The following NOX3 variants were observed in gnomAD, a reference collection of about 807,000 sequenced individuals.
NOX3 encodes the protein NADPH oxidase catalytic subunit-like 3.
NOX3 carries 74 observed loss-of-function variants against 76.7 expected under a neutral mutation model. The ratio of observed to expected loss-of-function variants is 0.96; its 90% CI spans 0.80 to 1.17. NOX3 has a LOEUF of 1.17. Among genes scored for constraint, NOX3 ranks in the 50% most tolerant of loss-of-function variants. The pLI is 0.00. For missense variants in NOX3, 695 were observed against 703.3 expected (o/e 0.99, Z 0.13); for synonymous variants, 263 against 261.1 (o/e 1.01, Z -0.07).
Position 155,436,504 on chromosome 6 carries a change from T to C in NOX3, c.712A>G (p.Asn238Asp). The C allele has an allele frequency of 6.2e-7, 1 of 1,614,170 alleles. No homozygotes were observed. ...TAGCGGTCTCTACAGAAGGTGATGT[T>C]GTGCAGAGAGAGACTGTCTTGGGTT... ...GQTQDSLSLH[N>D]ITFCRDRYAE... is the part of the protein sequence containing the mutation. The change falls in exon 7 of 14, where the codon AAC becomes GAC. Residue 238 changes from asparagine to aspartate, a missense_variant. Asn to Asp is a conservative substitution (Grantham distance 23). Coordinates refer to ENST00000159060, the MANE Select transcript of NOX3 (RefSeq NM_015718.3).
intron 1 of NOX3, 33 bp downstream of exon 1, chr6:155,455,720 T>G (rs6906426): frequency 0.11 from 170,170 of 1,526,430 alleles, 10,392 homozygotes; most frequent in Admixed American, 0.22. Context: ...TCAATCTATA[T>G]ATTTAAAGTT....
At position 155,428,275 on chromosome 6, in the gene NOX3, C is replaced by T. The variant is rs137898133; in HGVS notation, c.1145+519G>A. 1.7e-4 allele frequency among the ~76,000 whole-genome samples: 26 copies of T among 152,280 alleles called. 1 individual carries two copies. In the East Asian group the frequency reaches 4.4e-3, roughly 26 times the overall value. On this transcript the variant is annotated intron_variant, in intron 9 of 13. Coordinates refer to ENST00000159060, the MANE Select transcript of NOX3 (RefSeq NM_015718.3). Reference sequence around the variant, plus strand: ...CCTAACCTCAGTACTTAGGATGTGACCTTATTTAGAAATAGGGTTGCAGAC... The same window carrying T: ...CCTAACCTCAGTACTTAGGATGTGATCTTATTTAGAAATAGGGTTGCAGAC...
chr6:155,449,431 A>G (rs1416414913), intron 4 of NOX3, among the ~76,000 whole-genome samples: 2 of 152,178 alleles, frequency 1.3e-5, no homozygotes, highest in Non-Finnish European at 2.9e-5. Context: ...ATCTGCATTA[A>G]TAAGAACGAA....
chr6:155,438,497 T>A lies in NOX3; in HGVS notation c.668+1459A>T, dbSNP rs1048373981. Reference sequence around the variant, plus strand: ...AGGGGCACTTCTTCCGTGGAGAATGTGTTTCTGTCCACCAGCTGAGGGACC... The same window carrying A: ...AGGGGCACTTCTTCCGTGGAGAATGAGTTTCTGTCCACCAGCTGAGGGACC... On this transcript the variant is annotated intron_variant, in intron 6 of 13. Coordinates refer to ENST00000159060, the MANE Select transcript of NOX3 (RefSeq NM_015718.3). Among the ~76,000 whole-genome samples, 4 of 152,172 alleles carry A rather than the reference T, an allele frequency of 2.6e-5. No individual in the cohort carries two copies. The South Asian group carries it at 6.2e-4, about 24-fold the overall frequency.
intron 12 of NOX3, among the ~76,000 whole-genome samples, chr6:155,406,510 G>A (rs1404671963): frequency 6.6e-6 from 1 of 152,190 alleles, no homozygotes; most frequent in Non-Finnish European, 1.5e-5. Flanking sequence ...AGTGATAGCA[G>A]CTAGTGCTTC....
At chr6:155,410,552 A>G (rs1372926316) in intron 11 of NOX3, among the ~76,000 whole-genome samples, 1 of 152,234 alleles carries the variant, frequency 6.6e-6, no homozygotes, top group Non-Finnish European at 1.5e-5. Context: ...TAGTATCAAC[A>G]TTGAAATACT....
chr6:155,428,944 G>A lies in NOX3; in HGVS notation c.995C>T (p.Ser332Leu), dbSNP rs376763861. The A allele has an allele frequency of 1.4e-5, 23 of 1,613,996 alleles. No homozygotes were observed. Among genetic ancestry groups the A allele is most frequent in the African/African-American group, 1.2e-4 (9 of 74,988 alleles). The change falls in exon 9 of 14, where the codon TCG (serine) becomes TTG (leucine). Residue 332 changes from serine to leucine, a missense_variant. Ser to Leu is a moderately radical substitution (Grantham distance 145). Coordinates refer to ENST00000159060, the MANE Select transcript of NOX3 (RefSeq NM_015718.3). ...YILVQCPAIS[S>L]LEWHPFTLTS... Reference sequence around the variant, plus strand: ...AAGGGTGAAGGGGTGCCACTCCAGCGAAGATATGGCTGGGCACTGCACCAA... The same window carrying A: ...AAGGGTGAAGGGGTGCCACTCCAGCAAAGATATGGCTGGGCACTGCACCAA...
chr6:155,406,355 C>G (rs1363349247), intron 12 of NOX3, among the ~76,000 whole-genome samples: 1 of 152,166 alleles, frequency 6.6e-6, no homozygotes, highest in African/African-American at 2.4e-5. Context: ...GTCACACAGC[C>G]AGTAACTTCT....
intron 4 of NOX3, among the ~76,000 whole-genome samples, chr6:155,445,997 A>AAAAT (rs1733551674): frequency 1.5e-5 from 1 of 65,554 alleles, no homozygotes; most frequent in Admixed American, 1.2e-4. Flanking sequence ...ATATATATAT[A>AAAAT]ATATATATAT....
intron 7 of NOX3, among the ~76,000 whole-genome samples, chr6:155,434,260 T>A (rs929190867): frequency 1.3e-5 from 2 of 152,198 alleles, no homozygotes; most frequent in African/African-American, 4.8e-5. Flanking sequence ...CAGCTTTCCC[T>A]AGTAATTACA....
chr6:155,442,857 A>C (rs1390054347), intron 5 of NOX3, among the ~76,000 whole-genome samples: 4 of 152,228 alleles, frequency 2.6e-5, no homozygotes, highest in Non-Finnish European at 5.9e-5. Context: ...CAGATCCGGA[A>C]AACAATCTGC....
At chr6:155,444,644 T>C (rs111246012) in intron 4 of NOX3, among the ~76,000 whole-genome samples, 112 of 152,328 alleles carry the variant, frequency 7.4e-4, no homozygotes, top group African/African-American at 2.7e-3. Flanking sequence ...TGTGCTAGTT[T>C]CGCTGTCACA....
intron 4 of NOX3, 68 bp from the exon 5 acceptor site, chr6:155,443,486 C>T: frequency 6.5e-7 from 1 of 1,544,704 alleles, no homozygotes. Flanking sequence ...CTAAAAAATA[C>T]AGTGTCTCTG....
intron 7 of NOX3, among the ~76,000 whole-genome samples, chr6:155,434,588 T>C (rs567230140): frequency 2.7e-4 from 41 of 152,310 alleles, no homozygotes; most frequent in African/African-American, 9.4e-4. Flanking sequence ...TTTACAGAAA[T>C]GAGAGCAAGA....
chr6:155,455,233 A>C, intron 1 of NOX3, 104 bp from the exon 2 acceptor site: 1 of 683,910 alleles, frequency 1.5e-6, no homozygotes, highest in South Asian at 1.9e-5. Context: ...AGAGCTTCTC[A>C]ATATTAATCA....
chr6:155,409,963 T>C (rs1035239399), intron 11 of NOX3, among the ~76,000 whole-genome samples: 1 of 152,152 alleles, frequency 6.6e-6, no homozygotes, highest in African/African-American at 2.4e-5. Flanking sequence ...AGGTGCACAC[T>C]GGGATCAATG....
intron 7 of NOX3, among the ~76,000 whole-genome samples, chr6:155,431,439 C>CACACAT (rs1413791709): frequency 6.6e-6 from 1 of 151,880 alleles, no homozygotes; most frequent in Non-Finnish European, 1.5e-5. Flanking sequence ...CACACACACA[C>CACACAT]ACACACACAG....
At chr6:155,420,810 G>C (rs906145950) in intron 10 of NOX3, among the ~76,000 whole-genome samples, 16 of 152,082 alleles carry the variant, frequency 1.1e-4, no homozygotes, top group African/African-American at 3.6e-4. Context: ...GATAAATCTA[G>C]GCCATTAGTA....
chr6:155,441,394 C>G (rs764079921), intron 5 of NOX3, among the ~76,000 whole-genome samples: 12 of 152,194 alleles, frequency 7.9e-5, no homozygotes, highest in Non-Finnish European at 1.6e-4. Context: ...TACCTTCAGG[C>G]ATTTTAGAAA....
Sources: gnomAD v4.1 joint callset for allele counts (sites outside exome capture counted in the v4.1 genomes callset) on GRCh38, gnomAD v4.1.1 for gene constraint, MANE v1.5 for transcripts, NCBI Gene and HGNC (gene_info 2026-07-23, HGNC 2026-07-21) for gene names.